Variants in WDTC1 observed in about 807,000 individuals in gnomAD.
The protein encoded by WDTC1 is WD and tetratricopeptide repeats 1, also known as WD and tetratricopeptide repeats protein 1.
Under a neutral mutation model 76.0 loss-of-function variants are expected in WDTC1, and 12 were observed. The observed-to-expected ratio is 0.16, with a 90% CI of 0.10 to 0.26. The LOEUF (loss-of-function observed/expected upper bound fraction) is 0.26. Ranked by LOEUF, WDTC1 falls within the 10% of genes least tolerant of loss-of-function variation. WDTC1 has a pLI of 1.00. For missense variants in WDTC1, 511 were observed against 908.8 expected (o/e 0.56, Z 5.63); for synonymous variants, 326 against 350.8 (o/e 0.93, Z 0.79).
rs2013958238 is a variant in WDTC1 at position 27,306,460 on chromosome 1, T to C, written c.*77T>C. 1 of 1,493,666 alleles carries C rather than the reference T, an allele frequency of 6.7e-7. No individual in the cohort carries two copies. Among genetic ancestry groups the C allele is most frequent in the Admixed American group, 2.2e-5 (1 of 44,916 alleles). 92.5% of individuals were successfully genotyped at this position (1,493,666 alleles called of 1,614,324 possible). A position where few individuals can be genotyped will look rare whatever the true frequency, so the allele number is the denominator to read the frequency against. ...GGGCAGGAGGTCAGGGGATTCTGTT[T>C]TGGTTTGTCTTCCCCACCACCCTTT... On this transcript the variant is annotated 3_prime_UTR_variant, in exon 16 of 16. Transcript: ENST00000319394. The surrounding 1 kb of genome is among the most constrained non-coding windows in gnomAD (Gnocchi z 5.0).
intron 7 of WDTC1, among the ~76,000 whole-genome samples, chr1:27,292,757 C>CTTTTTTTTTTTTTTTTTTTTTTTTTCT (rs1304057627): frequency 2.6e-5 from 3 of 113,460 alleles, no homozygotes; most frequent in African/African-American, 7.1e-5. Context: ...TATTGTTTTA[C>CTTTTTTTTTTTTTTTTTTTTTTTTTCT]TTTTTTTTTT....
chr1:27,306,498 C>G lies in WDTC1; in HGVS notation c.*115C>G. On this transcript the variant is annotated 3_prime_UTR_variant, in exon 16 of 16. Transcript: ENST00000319394. The surrounding 1 kb of genome is among the most constrained non-coding windows in gnomAD (Gnocchi z 5.0). ...CCCACCACCCTTTTTTTTCATTTCC[C>G]CTGTTTTGTTTGTTAGTTTGGCGTT... The G allele has an allele frequency of 4.6e-6, 6 of 1,313,262 alleles. No individual in the cohort carries two copies. The highest frequency in any genetic ancestry group is 6.1e-6 in the Non-Finnish European group (6 of 981,896). 81.4% of individuals were successfully genotyped at this position (1,313,262 alleles called of 1,614,324 possible).
At chr1:27,289,090 C>G (rs2013440746) in intron 6 of WDTC1, among the ~76,000 whole-genome samples, 1 of 144,736 alleles carries the variant, frequency 6.9e-6, no homozygotes, top group Admixed American at 6.8e-5. Context: ...GCTGACCCCC[C>G]CACCTCCCTC....
At chr1:27,279,062 AAAAAAT>A (rs2013119092) in intron 3 of WDTC1, among the ~76,000 whole-genome samples, 1 of 152,212 alleles carries the variant, frequency 6.6e-6, no homozygotes, top group Admixed American at 6.5e-5. Flanking sequence ...ACACTGTCTC[AAAAAAT>A]AAAAATAAAT....
chr1:27,306,311 G>A lies in WDTC1; in HGVS notation c.1962G>A (p.Leu654=), dbSNP rs775863104. Residue 654 remains leucine, a synonymous_variant, in exon 16 of 16, where the codon CTG becomes CTA. Coordinates refer to ENST00000319394, the MANE Select transcript of WDTC1 (RefSeq NM_001276252.2). The surrounding 1 kb of genome is among the most constrained non-coding windows in gnomAD (Gnocchi z 5.0). ...LLNMGYRITG[L]SSGGAGASDD... Reference sequence around the variant, plus strand: ...ACATGGGCTACCGGATCACGGGCCTGAGCAGTGGGGGTGCCGGGGCCTCTG... The same window carrying A: ...ACATGGGCTACCGGATCACGGGCCTAAGCAGTGGGGGTGCCGGGGCCTCTG... 1.9e-6 allele frequency: 3 copies of A among 1,613,942 alleles called. No homozygotes were observed. In the African/African-American group the frequency reaches 4.0e-5, roughly 22 times the overall value.
rs1383259497 is a variant in WDTC1 at position 27,282,115 on chromosome 1, A to G, written c.133-124A>G. The stretch of plus-strand genomic sequence containing the variant: ...GTTTAAGTCCACTTTGGCCACTCAC[A>G]TGCACTTGGAAAATATTGAAAATGG... On this transcript the variant is annotated intron_variant, in intron 3 of 15. Transcript: ENST00000319394. 3 of 892,920 alleles carry G rather than the reference A, an allele frequency of 3.4e-6. No homozygotes were observed. In the South Asian group the frequency reaches 4.6e-5, roughly 14 times the overall value. 55.3% of individuals were successfully genotyped at this position (892,920 alleles called of 1,614,324 possible).
At chr1:27,246,930 A>T (rs1447066878) in intron 1 of WDTC1, among the ~76,000 whole-genome samples, 2 of 146,616 alleles carry the variant, frequency 1.4e-5, no homozygotes, top group Admixed American at 1.4e-4. Flanking sequence ...CCAGTGCCAC[A>T]AACATAGCTC....
intron 1 of WDTC1, among the ~76,000 whole-genome samples, chr1:27,253,823 T>C: frequency 6.6e-6 from 1 of 152,226 alleles, no homozygotes; most frequent in Non-Finnish European, 1.5e-5. Flanking sequence ...TTCTAGTGTT[T>C]AATCATATAT....
At chr1:27,268,856 A>G (rs977323029) in intron 3 of WDTC1, among the ~76,000 whole-genome samples, 3 of 151,602 alleles carry the variant, frequency 2.0e-5, no homozygotes, top group African/African-American at 7.3e-5. Context: ...CTGGGACTAC[A>G]GGTGCACGCC....
intron 3 of WDTC1, among the ~76,000 whole-genome samples, chr1:27,270,225 G>C (rs961123977): frequency 6.6e-6 from 1 of 152,140 alleles, no homozygotes. Context: ...TACCTGAGCA[G>C]AGTTATGCTT....
intron 4 of WDTC1, among the ~76,000 whole-genome samples, chr1:27,282,906 G>A (rs772440250): frequency 4.6e-5 from 7 of 151,824 alleles, no homozygotes; most frequent in Admixed American, 3.3e-4. Flanking sequence ...TTGGGAGGCC[G>A]AGGCGGGTGG....
chr1:27,276,002 G>A lies in WDTC1; in HGVS notation c.133-6237G>A, dbSNP rs75053063. Among the ~76,000 whole-genome samples the A allele has an allele frequency of 8.8e-3, 1,344 of 152,272 alleles. 23 individuals carry two copies. The highest frequency in any genetic ancestry group is 0.03 in the African/African-American group (1,256 of 41,540). Reference sequence around the variant, plus strand: ...ACGTAAATGAAATTATAAAGTGTGTGGCTTTTTAGCATAATGCTTTTAAGA... The same window carrying A: ...ACGTAAATGAAATTATAAAGTGTGTAGCTTTTTAGCATAATGCTTTTAAGA... On this transcript the variant is annotated intron_variant, in intron 3 of 15. Coordinates refer to ENST00000319394, the MANE Select transcript of WDTC1 (RefSeq NM_001276252.2).
chr1:27,286,419 C>T (rs1026825772), intron 5 of WDTC1, among the ~76,000 whole-genome samples: 17 of 151,012 alleles, frequency 1.1e-4, no homozygotes, highest in African/African-American at 3.7e-4. Context: ...TTATAAGAGG[C>T]ATCCAAGCAT....
In WDTC1 at chr1:27,254,594, C is replaced by CA. The variant is rs1041762295; in HGVS notation, c.-99-6352dup. Among the ~76,000 whole-genome samples, 177 of 143,324 alleles carry CA rather than the reference C, an allele frequency of 1.2e-3. 1 individual carries two copies. The highest frequency in any genetic ancestry group is 2.7e-3 in the African/African-American group (104 of 39,060). 94.0% of individuals were successfully genotyped at this position (143,324 alleles called of 152,430 possible). On this transcript the variant is annotated intron_variant, in intron 1 of 15. Coordinates refer to ENST00000319394, the MANE Select transcript of WDTC1 (RefSeq NM_001276252.2). ...TGGGTGACAGAGTGAGACTCTGTCT[C>CA]AAAAAAAAAAGAATGCTAAGTAGGC... is the stretch of plus-strand genomic sequence containing the variant.
intron 3 of WDTC1, among the ~76,000 whole-genome samples, chr1:27,279,252 G>C (rs186786480): frequency 1.3e-5 from 2 of 152,150 alleles, no homozygotes; most frequent in East Asian, 3.9e-4. Context: ...ATTGAATTAA[G>C]GCCGGACACA....
intron 8 of WDTC1, 50 bp downstream of exon 8, chr1:27,294,166 C>T (rs2013620159): frequency 1.3e-6 from 2 of 1,580,348 alleles, no homozygotes; most frequent in South Asian, 1.1e-5. Context: ...GATGCTGACT[C>T]TTTTGGGGGC....
At position 27,263,352 on chromosome 1, in the gene WDTC1, A is replaced by G. The variant is rs531364601; in HGVS notation, c.132+117A>G. 2.1e-4 allele frequency: 183 copies of G among 851,582 alleles called. No individual in the cohort carries two copies. In the African/African-American group the frequency reaches 2.9e-3, roughly 14 times the overall value. The allele number at this position is 851,582 out of a possible 1,614,324, so 52.8% of individuals were successfully genotyped here. ...AGTGTTTCTCTGCAGGCCATATCTG[A>G]CAGTTACTTCTCCTTCAGTAGACAA... On this transcript the variant is annotated intron_variant, in intron 3 of 15. Coordinates refer to ENST00000319394, the MANE Select transcript of WDTC1 (RefSeq NM_001276252.2).
intron 1 of WDTC1, among the ~76,000 whole-genome samples, chr1:27,243,635 G>A (rs2011706909): frequency 6.6e-6 from 1 of 152,166 alleles, no homozygotes. Flanking sequence ...TCCTGCATCT[G>A]TAAGATGAGG....
chr1:27,273,206 C>CTTTTTTTTTT (rs57130485), intron 3 of WDTC1, among the ~76,000 whole-genome samples: 9 of 103,666 alleles, frequency 8.7e-5, no homozygotes, highest in African/African-American at 2.3e-4. Flanking sequence ...TTTTTCTTTT[C>CTTTTTTTTTT]TTTTTTTTTT....
Sources: gnomAD v4.1 joint callset for allele counts (sites outside exome capture counted in the v4.1 genomes callset) on GRCh38, gnomAD v4.1.1 for gene constraint, Gnocchi (gnomAD v3.1) non-coding constraint, MANE v1.5 for transcripts, NCBI Gene and HGNC (gene_info 2026-07-23, HGNC 2026-07-21) for gene names.